PTPRD: variants seen among roughly 807,000 people sequenced by gnomAD.
The protein encoded by PTPRD is protein tyrosine phosphatase receptor type D.
Under a neutral mutation model 214.5 loss-of-function variants are expected in PTPRD, and 34 were observed. That is an observed-to-expected ratio of 0.16 (90% CI 0.12 to 0.21). The LOEUF (loss-of-function observed/expected upper bound fraction) is 0.21, where lower values mean the gene tolerates loss of function less well. Among genes scored for constraint, PTPRD ranks in the 10% least tolerant of loss-of-function variants. The pLI, the probability that PTPRD is intolerant of heterozygous loss-of-function variation, is 1.00. For missense variants in PTPRD, 2,545 were observed against 2,398.7 expected, an observed-to-expected ratio of 1.06 and a Z score of -1.27; for synonymous variants, 1,128 against 845.7, an observed-to-expected ratio of 1.33 and a Z score of -5.79.
intron 2 of PTPRD, among the ~76,000 whole-genome samples, chr9:10,411,119 G>T (rs1259407785): frequency 6.6e-6 from 1 of 151,790 alleles, no homozygotes; most frequent in Non-Finnish European, 1.5e-5. Flanking sequence ...TGTTCAGAAT[G>T]AGATTAACAG....
chr9:10,519,361 A>G (rs2051362038), intron 2 of PTPRD, among the ~76,000 whole-genome samples: 1 of 151,498 alleles, frequency 6.6e-6, no homozygotes, highest in Non-Finnish European at 1.5e-5. Flanking sequence ...TTAAATATAT[A>G]TGTACTGTTA....
At chr9:8,799,927 T>G (rs573790774) in intron 11 of PTPRD, among the ~76,000 whole-genome samples, 3 of 152,060 alleles carry the variant, frequency 2.0e-5, no homozygotes, top group Non-Finnish European at 4.4e-5. Context: ...AAAAAACTTT[T>G]TGTTTTCAGG....
intron 7 of PTPRD, among the ~76,000 whole-genome samples, chr9:9,650,818 A>G (rs1183139957): frequency 3.9e-5 from 6 of 152,160 alleles, no homozygotes; most frequent in Admixed American, 2.0e-4. Context: ...TTCAAAATAC[A>G]GTAATATAAA....
chr9:8,685,563 GTT>G (rs1420066497), intron 12 of PTPRD, among the ~76,000 whole-genome samples: 1 of 152,124 alleles, frequency 6.6e-6, no homozygotes, highest in Non-Finnish European at 1.5e-5. Flanking sequence ...CAATACTTTG[GTT>G]TTATATAATG....
chr9:10,315,133 A>C (rs182725515), intron 3 of PTPRD, among the ~76,000 whole-genome samples: 1 of 152,102 alleles, frequency 6.6e-6, no homozygotes, highest in Admixed American at 6.6e-5. Flanking sequence ...ATATATAATT[A>C]TGATTCATTT....
chr9:10,382,599 C>A (rs1351107134), intron 2 of PTPRD, among the ~76,000 whole-genome samples: 2 of 151,828 alleles, frequency 1.3e-5, no homozygotes, highest in Non-Finnish European at 2.9e-5. Flanking sequence ...TCCCATATGA[C>A]ATATATTGAA....
intron 2 of PTPRD, among the ~76,000 whole-genome samples, chr9:10,592,836 C>A (rs183469984): frequency 3.3e-5 from 5 of 152,038 alleles, no homozygotes; most frequent in Admixed American, 2.0e-4. Flanking sequence ...GGAACACTGA[C>A]AGGACAGAAA....
chr9:10,306,139 G>A (rs576384043), intron 3 of PTPRD, among the ~76,000 whole-genome samples: 144 of 151,878 alleles, frequency 9.5e-4, no homozygotes, highest in Non-Finnish European at 1.6e-3. Context: ...GGATGAAGCT[G>A]GAAACCATCA....
chr9:9,307,953 C>T (rs1957655568), intron 9 of PTPRD, among the ~76,000 whole-genome samples: 1 of 152,118 alleles, frequency 6.6e-6, no homozygotes, highest in Non-Finnish European at 1.5e-5. Context: ...CCTCCCCACG[C>T]TGTGTAATAG....
intron 7 of PTPRD, among the ~76,000 whole-genome samples, chr9:9,655,604 C>T (rs1345287320): frequency 6.6e-6 from 1 of 151,272 alleles, no homozygotes; most frequent in Non-Finnish European, 1.5e-5. Flanking sequence ...CCAAACCAAA[C>T]CAAACCAAAC....
At chr9:8,444,516 T>C (rs964842129) in intron 34 of PTPRD, among the ~76,000 whole-genome samples, 1 of 152,086 alleles carries the variant, frequency 6.6e-6, no homozygotes, top group Non-Finnish European at 1.5e-5. Flanking sequence ...AATATTTTAA[T>C]TTTAATTTTA....
chr9:9,704,758 G>A (rs1328279989), intron 7 of PTPRD, among the ~76,000 whole-genome samples: 1 of 152,172 alleles, frequency 6.6e-6, no homozygotes, highest in African/African-American at 2.4e-5. Flanking sequence ...CTTGTTGACA[G>A]TCCCTGCTGT....
intron 11 of PTPRD, among the ~76,000 whole-genome samples, chr9:8,763,598 A>T (rs1223774565): frequency 1.3e-5 from 2 of 151,496 alleles, no homozygotes; most frequent in East Asian, 3.9e-4. Context: ...ACTATAATGC[A>T]TTGCTACAAA....
intron 22 of PTPRD, among the ~76,000 whole-genome samples, chr9:8,505,311 A>T (rs2097519649): frequency 6.6e-6 from 1 of 152,192 alleles, no homozygotes; most frequent in Non-Finnish European, 1.5e-5. Context: ...TTTGCTATTC[A>T]CACAAACAAA....
intron 3 of PTPRD, among the ~76,000 whole-genome samples, chr9:10,261,179 T>A (rs148572330): frequency 6.6e-5 from 10 of 150,678 alleles, no homozygotes; most frequent in Middle Eastern, 3.4e-3. Context: ...ATCCAAAAGA[T>A]CAAAACAACT....
intron 3 of PTPRD, among the ~76,000 whole-genome samples, chr9:10,074,435 T>C (rs947162228): frequency 1.3e-5 from 2 of 152,104 alleles, no homozygotes; most frequent in Non-Finnish European, 2.9e-5. Context: ...CAGGGTGTTA[T>C]TGGCTCAGTT....
intron 12 of PTPRD, among the ~76,000 whole-genome samples, chr9:8,732,648 A>T (rs1027480635): frequency 5.3e-5 from 8 of 152,206 alleles, no homozygotes; most frequent in African/African-American, 1.2e-4. Context: ...TAACCAGAGA[A>T]TGTTGTGCTT....
chr9:9,921,997 C>A (rs899093494), intron 5 of PTPRD, among the ~76,000 whole-genome samples: 1 of 152,026 alleles, frequency 6.6e-6, no homozygotes, highest in East Asian at 1.9e-4. Flanking sequence ...AATCCCTGTG[C>A]CATAATTCAA....
At chr9:9,648,221 T>TA (rs111512866) in intron 7 of PTPRD, among the ~76,000 whole-genome samples, 3,094 of 147,838 alleles carry the variant, frequency 0.021, 44 homozygotes, top group Non-Finnish European at 0.031. Flanking sequence ...TATAGCCTAT[T>TA]AAAAAAAAAA....
Sources: allele counts gnomAD v4.1 joint callset (sites outside exome capture counted in the v4.1 genomes callset), GRCh38; gene constraint gnomAD v4.1.1; transcripts MANE v1.5; gene names NCBI Gene and HGNC (gene_info 2026-07-23, HGNC 2026-07-21).